The following LARGE1 variants were observed in gnomAD, a reference collection of about 807,000 sequenced individuals.
The protein encoded by LARGE1 is LARGE xylosyl- and glucuronyltransferase 1.
LARGE1 carries 43 observed loss-of-function variants against 87.6 expected under a neutral mutation model. The observed-to-expected ratio is 0.49, with a 90% CI of 0.38 to 0.63. The LOEUF (loss-of-function observed/expected upper bound fraction) is 0.63. Ranked by LOEUF, LARGE1 falls within the 30% of genes least tolerant of loss-of-function variation. LARGE1 has a pLI of 0.00. For missense variants in LARGE1, 802 were observed against 1,000.2 expected (o/e 0.80, Z 2.67); for synonymous variants, 434 against 394.6 (o/e 1.10, Z -1.18).
intron 11 of LARGE1, among the ~76,000 whole-genome samples, chr22:33,178,506 A>T (rs1922997463): frequency 6.6e-6 from 1 of 152,236 alleles, no homozygotes; most frequent in South Asian, 2.1e-4. Flanking sequence ...GCTGTCTTAG[A>T]GCTGATGAGT....
At chr22:33,502,458 C>CA (rs961879905) in intron 6 of LARGE1, among the ~76,000 whole-genome samples, 9 of 152,042 alleles carry the variant, frequency 5.9e-5, no homozygotes, top group Admixed American at 5.2e-4. Flanking sequence ...AGCAGGCATG[C>CA]AGGGAGCGGT....
At chr22:33,821,975 A>C (rs1476428749) in intron 1 of LARGE1, among the ~76,000 whole-genome samples, 1 of 139,618 alleles carries the variant, frequency 7.2e-6, no homozygotes, top group African/African-American at 2.7e-5. Flanking sequence ...TTTTTTAAAG[A>C]GCTGTTTCTA....
chr22:33,111,851 A>T, the LARGE1 span, among the ~76,000 whole-genome samples: 1 of 152,192 alleles, frequency 6.6e-6, no homozygotes, highest in Non-Finnish European at 1.5e-5. Flanking sequence ...TGGGGCGGGG[A>T]AGCAAGAGAG....
chr22:33,676,712 G>T (rs897444696), intron 2 of LARGE1, among the ~76,000 whole-genome samples: 1 of 152,046 alleles, frequency 6.6e-6, no homozygotes, highest in South Asian at 2.1e-4. Context: ...TCCTACAAAG[G>T]TCTAAATACT....
intron 1 of LARGE1, among the ~76,000 whole-genome samples, chr22:33,908,395 G>T (rs1601894838): frequency 6.6e-6 from 1 of 152,262 alleles, no homozygotes; most frequent in Non-Finnish European, 1.5e-5. Context: ...GCTGGGTTCT[G>T]AAGGAAAAAC....
chr22:33,298,908 G>A (rs1022331108), intron 12 of LARGE1, among the ~76,000 whole-genome samples: 2 of 129,334 alleles, frequency 1.5e-5, no homozygotes, highest in African/African-American at 3.6e-5. Context: ...AAAGAAAAAA[G>A]GAAAGAGAGA....
At chr22:33,917,693 T>C (rs1245845277) in intron 1 of LARGE1, among the ~76,000 whole-genome samples, 2 of 152,212 alleles carry the variant, frequency 1.3e-5, no homozygotes, top group Admixed American at 1.3e-4. Context: ...TTAGAGATTA[T>C]AACTGAGTCT....
chr22:33,780,459 C>T (rs2085383209), intron 1 of LARGE1, among the ~76,000 whole-genome samples: 1 of 152,170 alleles, frequency 6.6e-6, no homozygotes, highest in South Asian at 2.1e-4. Context: ...GGGGCTCACT[C>T]CAGGCAGCTG....
At chr22:33,590,126 T>C (rs1175647279) in intron 5 of LARGE1, among the ~76,000 whole-genome samples, 4 of 152,214 alleles carry the variant, frequency 2.6e-5, no homozygotes, top group African/African-American at 4.8e-5. Flanking sequence ...TTTCTATCAA[T>C]TTTTGTTTTG....
intron 1 of LARGE1, among the ~76,000 whole-genome samples, chr22:33,864,108 G>A (rs1568996735): frequency 6.6e-6 from 1 of 152,162 alleles, no homozygotes; most frequent in East Asian, 1.9e-4. Context: ...CTACCAGGCA[G>A]GTAGAGTCTT....
chr22:33,566,006 G>GT (rs1374496108), intron 5 of LARGE1, among the ~76,000 whole-genome samples: 1 of 152,108 alleles, frequency 6.6e-6, no homozygotes, highest in African/African-American at 2.4e-5. Flanking sequence ...TTTCAAGAGG[G>GT]TAACACTTTT....
At chr22:33,680,282 C>G (rs916185158) in intron 2 of LARGE1, among the ~76,000 whole-genome samples, 1 of 152,188 alleles carries the variant, frequency 6.6e-6, no homozygotes, top group Non-Finnish European at 1.5e-5. Flanking sequence ...ATGACAAAAT[C>G]AGTCCATGAT....
At chr22:33,887,582 CA>C (rs2064889498) in intron 1 of LARGE1, among the ~76,000 whole-genome samples, 1 of 152,042 alleles carries the variant, frequency 6.6e-6, no homozygotes, top group African/African-American at 2.4e-5. Context: ...ACTAAAAATA[CA>C]AAAATTAGCC....
At chr22:33,278,029 C>T (rs1929678309) in intron 13 of LARGE1, among the ~76,000 whole-genome samples, 1 of 152,108 alleles carries the variant, frequency 6.6e-6, no homozygotes, top group Non-Finnish European at 1.5e-5. Context: ...GATTATGGTA[C>T]ATTATATGGC....
intron 6 of LARGE1, among the ~76,000 whole-genome samples, chr22:33,550,734 A>C (rs1412374060): frequency 6.6e-6 from 1 of 152,226 alleles, no homozygotes; most frequent in Non-Finnish European, 1.5e-5. Context: ...TATAAGAAAG[A>C]CACCTGCACT....
chr22:33,095,277 C>A, the LARGE1 span, among the ~76,000 whole-genome samples: 3 of 152,200 alleles, frequency 2.0e-5, no homozygotes, highest in East Asian at 5.8e-4. Context: ...GGGGAAGGAT[C>A]CTTTCTGCTT....
At chr22:33,186,792 TAAC>T (rs1441650166) in intron 11 of LARGE1, among the ~76,000 whole-genome samples, 1 of 152,192 alleles carries the variant, frequency 6.6e-6, no homozygotes, top group Non-Finnish European at 1.5e-5. Flanking sequence ...TCACATGATA[TAAC>T]ATCAAAATAC....
chr22:33,195,794 G>A (rs1367112381), intron 11 of LARGE1, among the ~76,000 whole-genome samples: 21 of 135,220 alleles, frequency 1.6e-4, no homozygotes, highest in Non-Finnish European at 2.3e-4. Context: ...TTGCTCTGTC[G>A]CCCAGGCTGG....
chr22:33,808,204 T>C (rs2086375119), intron 1 of LARGE1, among the ~76,000 whole-genome samples: 2 of 152,218 alleles, frequency 1.3e-5, no homozygotes, highest in South Asian at 4.1e-4. Context: ...TTCTAATAAG[T>C]GTGTAGCAGT....
Sources: allele counts gnomAD v4.1 joint callset (sites outside exome capture counted in the v4.1 genomes callset), GRCh38; gene constraint gnomAD v4.1.1; transcripts MANE v1.5; gene names NCBI Gene and HGNC (gene_info 2026-07-23, HGNC 2026-07-21).